The following PDE11A variants were observed in gnomAD, a reference collection of about 807,000 sequenced individuals.
The protein encoded by PDE11A is phosphodiesterase 11A.
In PDE11A, 100 loss-of-function variants were observed where a neutral mutation model predicts 100.5. That is an observed-to-expected ratio of 1.00 (90% CI 0.85 to 1.18). The LOEUF (loss-of-function observed/expected upper bound fraction) is 1.18. PDE11A is among the 50% of genes most tolerant of loss of function. The pLI is 0.00. For synonymous variants in PDE11A, 381 were observed against 420.8 expected (o/e 0.91, Z 1.16); for missense variants, 1,141 against 1,152.6 (o/e 0.99, Z 0.15).
Position 178,072,730 on chromosome 2 carries a change from G to A in PDE11A, c.-293C>T. The A allele has an allele frequency of 7.4e-7, 1 of 1,356,738 alleles. No homozygotes were observed. The highest frequency in any genetic ancestry group is 9.5e-7 in the Non-Finnish European group (1 of 1,051,314). 84.0% of individuals were successfully genotyped at this position (1,356,738 alleles called of 1,614,324 possible). ...TGTTCCGGAAACCCGAGCTATCGCT[G>A]CTCCTGTTCTGGCTGCCGCCGCTGC... On this transcript the variant is annotated 5_prime_UTR_variant, in exon 1 of 20. Transcript: ENST00000286063.
chr2:178,015,897 G>A (rs1291064885), intron 1 of PDE11A, among the ~76,000 whole-genome samples: 1 of 152,082 alleles, frequency 6.6e-6, no homozygotes, highest in Admixed American at 6.6e-5. Flanking sequence ...TCAAGTCAGG[G>A]GTTGGAGTGA....
intron 9 of PDE11A, among the ~76,000 whole-genome samples, chr2:177,813,754 G>C (rs2082989254): frequency 6.6e-6 from 1 of 151,880 alleles, no homozygotes; most frequent in Non-Finnish European, 1.5e-5. Flanking sequence ...CCCTTTTTAA[G>C]GAAGGAAAAG....
intron 19 of PDE11A, among the ~76,000 whole-genome samples, chr2:177,661,454 C>A (rs2080484463): frequency 6.6e-6 from 1 of 152,086 alleles, no homozygotes; most frequent in South Asian, 2.1e-4. Flanking sequence ...TGATTCCTGC[C>A]CACTGACTGA....
intron 1 of PDE11A, among the ~76,000 whole-genome samples, chr2:178,053,186 C>CGAA (rs1559055665): frequency 6.6e-6 from 1 of 152,190 alleles, no homozygotes. Context: ...GGGCTTCATC[C>CGAA]CTGGGATGCA....
At chr2:177,875,645 T>G (rs1200744463) in intron 5 of PDE11A, among the ~76,000 whole-genome samples, 1 of 152,098 alleles carries the variant, frequency 6.6e-6, no homozygotes, top group African/African-American at 2.4e-5. Context: ...CCTCCCAAAG[T>G]GCTGGGATTA....
intron 5 of PDE11A, among the ~76,000 whole-genome samples, chr2:177,858,488 T>G (rs949386084): frequency 2.0e-5 from 3 of 150,342 alleles, no homozygotes; most frequent in South Asian, 2.1e-4. Flanking sequence ...AACAGACACA[T>G]GAAAAAATGC....
chr2:177,722,553 T>G (rs1197763079), intron 12 of PDE11A, among the ~76,000 whole-genome samples: 1 of 152,166 alleles, frequency 6.6e-6, no homozygotes, highest in Non-Finnish European at 1.5e-5. Flanking sequence ...AGTGCCTAAT[T>G]GGGGCTCTGA....
intron 6 of PDE11A, among the ~76,000 whole-genome samples, chr2:177,838,639 A>G (rs1381743094): frequency 6.6e-6 from 1 of 152,326 alleles, no homozygotes; most frequent in East Asian, 1.9e-4. Context: ...AAAGGGAGCC[A>G]TCGTCTGTGG....
intron 12 of PDE11A, among the ~76,000 whole-genome samples, chr2:177,714,464 A>G (rs2081406490): frequency 6.6e-6 from 1 of 152,198 alleles, no homozygotes; most frequent in African/African-American, 2.4e-5. Context: ...GTCCCCAGTT[A>G]TAGATGAGAA....
At chr2:177,853,679 TA>T (rs2083766173) in intron 5 of PDE11A, among the ~76,000 whole-genome samples, 1 of 29,376 alleles carries the variant, frequency 3.4e-5, no homozygotes, top group Non-Finnish European at 6.8e-5. Context: ...TATATATATA[TA>T]TGTGTGTGTG....
Position 177,711,830 on chromosome 2 carries a change from T to C in PDE11A, c.2092A>G (p.Ile698Val). The C allele has an allele frequency of 1.2e-6, 2 of 1,613,412 alleles. No homozygotes were observed. Among genetic ancestry groups the C allele is most frequent in the South Asian group, 1.1e-5 (1 of 91,064 alleles). Residue 698 changes from isoleucine to valine, a missense_variant, in exon 13 of 20, where the codon ATT becomes GTT. By Grantham distance (29) the Ile-to-Val change is conservative. Transcript: ENST00000286063. ...ILTEVEILAV[I>V]VGCLCHDLDH... ...AGGTCATGACACAGGCATCCCACAA[T>C]CACCGCTAAAATTTCCACCTCGGTC...
chr2:177,847,475 A>G (rs940927655), intron 5 of PDE11A, among the ~76,000 whole-genome samples: 1 of 152,138 alleles, frequency 6.6e-6, no homozygotes, highest in African/African-American at 2.4e-5. Context: ...TGGAAACACA[A>G]CTACACCTTG....
chr2:177,822,345 G>A (rs563511564), intron 6 of PDE11A, among the ~76,000 whole-genome samples: 2 of 151,726 alleles, frequency 1.3e-5, no homozygotes, highest in Non-Finnish European at 2.9e-5. Flanking sequence ...GAGGGAAAAA[G>A]CAATACCTCT....
intron 10 of PDE11A, among the ~76,000 whole-genome samples, chr2:177,746,691 G>C (rs1268625131): frequency 6.6e-6 from 1 of 152,190 alleles, no homozygotes; most frequent in Admixed American, 6.5e-5. Flanking sequence ...AGATTCCTAT[G>C]CCCAGCAAAG....
At chr2:177,716,854 G>T (rs888710166) in intron 12 of PDE11A, among the ~76,000 whole-genome samples, 1 of 152,096 alleles carries the variant, frequency 6.6e-6, no homozygotes, top group Non-Finnish European at 1.5e-5. Context: ...CCATCTAATA[G>T]ATTTGAGATC....
At chr2:177,742,718 T>G (rs576691049) in intron 10 of PDE11A, among the ~76,000 whole-genome samples, 12 of 152,180 alleles carry the variant, frequency 7.9e-5, no homozygotes, top group Non-Finnish European at 1.8e-4. Context: ...TTAGCTAAAT[T>G]CAATGGACAG....
chr2:177,946,702 C>T (rs1371267393), intron 2 of PDE11A, among the ~76,000 whole-genome samples: 18 of 81,638 alleles, frequency 2.2e-4, no homozygotes, highest in African/African-American at 3.4e-4. Context: ...GTCAGCCCCC[C>T]GCCCGGCCAG....
rs1243024183 is a variant in PDE11A, at chr2:178,056,519, A to T, written c.912+15007T>A. ...TTCCCTGTCACTTGTTCTACTTAGA[A>T]TGGAAGGGCAAGGTCCTTTTTACAT... is the stretch of plus-strand genomic sequence containing the variant. On this transcript the variant is annotated intron_variant, in intron 1 of 19. Coordinates refer to ENST00000286063, the MANE Select transcript of PDE11A (RefSeq NM_016953.4). Among the ~76,000 whole-genome samples the T allele has an allele frequency of 2.6e-5, 4 of 152,368 alleles. No homozygotes were observed. In the East Asian group the frequency reaches 7.7e-4, roughly 29 times the overall value.
At chr2:177,824,061 C>T (rs926152336) in intron 6 of PDE11A, among the ~76,000 whole-genome samples, 4 of 152,056 alleles carry the variant, frequency 2.6e-5, no homozygotes, top group East Asian at 1.9e-4. Flanking sequence ...ATTTTGTTTA[C>T]CCATCACTTT....
Sources: gnomAD v4.1 joint callset for allele counts (sites outside exome capture counted in the v4.1 genomes callset) on GRCh38, gnomAD v4.1.1 for gene constraint, MANE v1.5 for transcripts, NCBI Gene and HGNC (gene_info 2026-07-23, HGNC 2026-07-21) for gene names.